The following REDIC1 variants were observed in gnomAD, a reference collection of about 807,000 sequenced individuals.
The protein encoded by REDIC1 is regulator of DNA class I crossover intermediates 1, also known as HEI10 Interacting Protein 1.
the REDIC1 span, among the ~76,000 whole-genome samples, chr12:39,665,924 A>G: frequency 6.6e-6 from 1 of 152,204 alleles, no homozygotes; most frequent in Non-Finnish European, 1.5e-5. Context: ...TTGATTTTGT[A>G]TCCTGAGACT....
At chr12:39,647,607 G>A in the REDIC1 span, among the ~76,000 whole-genome samples, 4 of 152,028 alleles carry the variant, frequency 2.6e-5, no homozygotes, top group East Asian at 5.8e-4. Context: ...CTTCAGTATA[G>A]CCTTCACTGG....
the REDIC1 span, among the ~76,000 whole-genome samples, chr12:39,711,446 C>A: frequency 4.4e-5 from 2 of 45,002 alleles, no homozygotes; most frequent in African/African-American, 1.1e-4. Flanking sequence ...TATGTGTGTA[C>A]ATATATACAC....
chr12:39,722,380 G>C, the REDIC1 span, among the ~76,000 whole-genome samples: 1 of 152,212 alleles, frequency 6.6e-6, no homozygotes, highest in South Asian at 2.1e-4. Context: ...ATAATTATCT[G>C]ATATATGTAT....
the REDIC1 span, among the ~76,000 whole-genome samples, chr12:39,887,641 T>C: frequency 1.3e-5 from 2 of 152,220 alleles, no homozygotes; most frequent in Non-Finnish European, 2.9e-5. Flanking sequence ...CAGCTTCTTC[T>C]ATTCCAGTGA....
At chr12:39,855,281 T>C in the REDIC1 span, among the ~76,000 whole-genome samples, 1 of 152,240 alleles carries the variant, frequency 6.6e-6, no homozygotes, top group Non-Finnish European at 1.5e-5. Context: ...CCTTGTACTT[T>C]TATATAACAA....
chr12:39,683,423 G>A, the REDIC1 span: 29 of 1,594,346 alleles, frequency 1.8e-5, no homozygotes, highest in Non-Finnish European at 2.4e-5. Flanking sequence ...AGAAAAATTT[G>A]AAAATGATTA....
At chr12:39,886,167 A>G in the REDIC1 span, among the ~76,000 whole-genome samples, 2 of 152,154 alleles carry the variant, frequency 1.3e-5, no homozygotes, top group Non-Finnish European at 2.9e-5. Flanking sequence ...AAGATGATCA[A>G]TTTTTTAACA....
chr12:39,864,806 C>T, the REDIC1 span: 1 of 1,613,732 alleles, frequency 6.2e-7, no homozygotes, highest in Non-Finnish European at 8.5e-7. Context: ...GAGCTATTGG[C>T]TTAAAAGTGA....
chr12:39,665,734 C>A, the REDIC1 span, among the ~76,000 whole-genome samples: 1 of 151,252 alleles, frequency 6.6e-6, no homozygotes, highest in Non-Finnish European at 1.5e-5. Flanking sequence ...TTGTTTGTAT[C>A]CTCTTTTATT....
the REDIC1 span, among the ~76,000 whole-genome samples, chr12:39,628,393 C>T: frequency 6.6e-6 from 1 of 152,106 alleles, no homozygotes; most frequent in Non-Finnish European, 1.5e-5. Context: ...GGGCCTCAGT[C>T]TGAACTAGTG....
the REDIC1 span, among the ~76,000 whole-genome samples, chr12:39,659,435 A>C: frequency 3.9e-5 from 6 of 151,958 alleles, no homozygotes; most frequent in Admixed American, 2.6e-4. Context: ...GTCTACTTGA[A>C]ATCTCAGTTT....
chr12:39,674,070 G>T, the REDIC1 span, among the ~76,000 whole-genome samples: 1 of 152,108 alleles, frequency 6.6e-6, no homozygotes, highest in Non-Finnish European at 1.5e-5. Context: ...ATTCTTTTCA[G>T]TTTTTTAGGA....
the REDIC1 span, among the ~76,000 whole-genome samples, chr12:39,830,644 C>T: frequency 1.3e-5 from 2 of 152,134 alleles, 1 homozygote; most frequent in South Asian, 4.2e-4. Flanking sequence ...ACCTCATACA[C>T]CATCTATTTT....
At chr12:39,685,453 C>T in the REDIC1 span, among the ~76,000 whole-genome samples, 5 of 152,124 alleles carry the variant, frequency 3.3e-5, no homozygotes, top group Non-Finnish European at 7.4e-5. Context: ...ATGACCAGAT[C>T]ACAGGAGAAC....
At chr12:39,671,546 G>C in the REDIC1 span, among the ~76,000 whole-genome samples, 3 of 152,198 alleles carry the variant, frequency 2.0e-5, no homozygotes, top group Non-Finnish European at 4.4e-5. Context: ...GGTAGTGGCA[G>C]ACCAGGTGGG....
chr12:39,901,892 C>T, the REDIC1 span, among the ~76,000 whole-genome samples: 5 of 151,328 alleles, frequency 3.3e-5, no homozygotes, highest in Non-Finnish European at 7.4e-5. Context: ...CACATGCACA[C>T]GTATGTTTAT....
the REDIC1 span, among the ~76,000 whole-genome samples, chr12:39,837,369 C>T: frequency 7.3e-6 from 1 of 136,926 alleles, no homozygotes; most frequent in African/African-American, 2.8e-5. Flanking sequence ...AAACGTTAGA[C>T]CTAAAACCAT....
the REDIC1 span, among the ~76,000 whole-genome samples, chr12:39,892,822 G>A: frequency 3.3e-5 from 5 of 152,012 alleles, no homozygotes; most frequent in Non-Finnish European, 7.4e-5. Context: ...AAGATGAAAA[G>A]TAAATAAGGA....
the REDIC1 span, among the ~76,000 whole-genome samples, chr12:39,702,890 A>T: frequency 6.6e-6 from 1 of 152,232 alleles, no homozygotes; most frequent in African/African-American, 2.4e-5. Flanking sequence ...AACAACCTTC[A>T]TGCTAAAAAC....
Sources: gnomAD v4.1 joint callset for allele counts (sites outside exome capture counted in the v4.1 genomes callset) on GRCh38, gnomAD v4.1.1 for gene constraint, MANE v1.5 for transcripts, NCBI Gene and HGNC (gene_info 2026-07-23, HGNC 2026-07-21) for gene names.